Variants in DCLRE1C observed in about 807,000 individuals in gnomAD.
The protein encoded by DCLRE1C is DNA cross-link repair 1C.
A neutral mutation model predicts 61.4 loss-of-function variants in DCLRE1C; 47 were observed. The ratio of observed to expected loss-of-function variants is 0.77; its 90% CI spans 0.61 to 0.98. The LOEUF (loss-of-function observed/expected upper bound fraction) is 0.98, where lower values mean the gene tolerates loss of function less well. Among genes scored for constraint, DCLRE1C ranks in the 50% least tolerant of loss-of-function variants. The pLI, the probability that DCLRE1C is intolerant of heterozygous loss-of-function variation, is 0.00. For synonymous variants in DCLRE1C, 337 were observed against 287.6 expected (o/e 1.17, Z -1.74); for missense variants, 858 against 816.0 (o/e 1.05, Z -0.63).
At chr10:14,952,986 G>C (rs1842672573) in intron 1 of DCLRE1C, among the ~76,000 whole-genome samples, 1 of 152,188 alleles carries the variant, frequency 6.6e-6, no homozygotes, top group African/African-American at 2.4e-5. Flanking sequence ...CTTTCCTACT[G>C]CGCAGGTACA....
At position 14,919,174 on chromosome 10, in the gene DCLRE1C, TG is replaced by T. The variant is rs1836689686; in HGVS notation, c.1156+563del. ...AATCCTAACCACGAAATAGGGCTGC[TG>T]GAAAGCCCCAGAGCTTTGCTCAGAA... On this transcript the variant is annotated intron_variant, in intron 13 of 13. Coordinates refer to ENST00000378278, the MANE Select transcript of DCLRE1C (RefSeq NM_001033855.3). Among the ~76,000 whole-genome samples, 3 of 152,214 alleles carry T rather than the reference TG, an allele frequency of 2.0e-5. No homozygotes were observed. The South Asian group carries it at 6.2e-4, about 32-fold the overall frequency.
At chr10:14,912,335 C>G (rs1370955071) in intron 13 of DCLRE1C, among the ~76,000 whole-genome samples, 1 of 152,076 alleles carries the variant, frequency 6.6e-6, no homozygotes, top group Non-Finnish European at 1.5e-5. Flanking sequence ...GGATTATAGG[C>G]GTGAGCCACT....
intron 1 of DCLRE1C, among the ~76,000 whole-genome samples, chr10:14,952,038 G>A (rs1842532785): frequency 6.6e-6 from 1 of 152,196 alleles, no homozygotes; most frequent in African/African-American, 2.4e-5. Flanking sequence ...TCAGAGAACA[G>A]AAAAAGTTGT....
At chr10:14,946,039 G>C (rs1357632945) in intron 2 of DCLRE1C, among the ~76,000 whole-genome samples, 1 of 141,162 alleles carries the variant, frequency 7.1e-6, no homozygotes, top group Admixed American at 7.4e-5. Context: ...ATGGAGTCTT[G>C]ATCTGTCACT....
chr10:14,935,730 C>T (rs1482565715), intron 5 of DCLRE1C, among the ~76,000 whole-genome samples, 166 bp from the exon 6 acceptor site: 1 of 152,176 alleles, frequency 6.6e-6, no homozygotes, highest in Non-Finnish European at 1.5e-5. Context: ...TCAGCTGTCA[C>T]CTCTTCCCTC....
rs1250826419 is a variant in DCLRE1C at position 14,908,710 on chromosome 10, G to A, written c.1777C>T (p.Gln593Ter). The A allele has an allele frequency of 3.1e-6, 5 of 1,614,032 alleles. No individual in the cohort carries two copies. Among genetic ancestry groups the A allele is most frequent in the Non-Finnish European group, 4.2e-6 (5 of 1,180,036 alleles). Reference protein sequence around the residue: ...KENIPASLMEQNVICPKDTYS... With the variant: ...KENIPASLME Reference sequence around the variant, plus strand: ...GTATCCTTTGGGCAAATTACATTTTGTTCCATGAGAGAGGCAGGAATATTC... The same window carrying A: ...GTATCCTTTGGGCAAATTACATTTTATTCCATGAGAGAGGCAGGAATATTC... Residue 593 changes from glutamine (Q) to a stop codon, truncating the protein, a stop_gained, in exon 14 of 14, where the codon CAA becomes TAA. Transcript: ENST00000378278. LOFTEE classifies it low-confidence loss of function (END_TRUNC).
chr10:14,930,912 C>G (rs1235184707), intron 9 of DCLRE1C, among the ~76,000 whole-genome samples: 2 of 152,188 alleles, frequency 1.3e-5, no homozygotes, highest in African/African-American at 4.8e-5. Flanking sequence ...CACTGCAGCT[C>G]TCACCGTGGC....
intron 9 of DCLRE1C, among the ~76,000 whole-genome samples, chr10:14,931,788 C>T (rs1428304445): frequency 6.6e-6 from 1 of 152,146 alleles, no homozygotes; most frequent in East Asian, 1.9e-4. Flanking sequence ...CCTGTAATCC[C>T]AACACTTTGG....
In DCLRE1C at chr10:14,904,735, T is replaced by G. The variant is rs1834251588; in HGVS notation, c.*3673A>C. Among the ~76,000 whole-genome samples, 1 of 152,202 alleles carries G rather than the reference T, an allele frequency of 6.6e-6. No homozygotes were observed. Among genetic ancestry groups the G allele is most frequent in the Non-Finnish European group, 1.5e-5 (1 of 68,026 alleles). On this transcript the variant is annotated 3_prime_UTR_variant, in exon 14 of 14. Coordinates refer to ENST00000378278, the MANE Select transcript of DCLRE1C (RefSeq NM_001033855.3). ...GTGAAATAATAGAAACTAAAGGATG[T>G]TATTAAGGGGTTTAACTATTTTAAG...
In DCLRE1C at chr10:14,934,119, G is replaced by A. The variant is rs561602377; in HGVS notation, c.678+261C>T. ...GAGGCAGGCAGATAGCTTGAGGTCA[G>A]GAGTTCAAGACCAGCCTGGCCAACA... On this transcript the variant is annotated intron_variant, in intron 8 of 13. Transcript: ENST00000378278. Among the ~76,000 whole-genome samples, 36 of 152,196 alleles carry A rather than the reference G, an allele frequency of 2.4e-4. No homozygotes were observed. The South Asian group carries it at 2.5e-3, about 11-fold the overall frequency.
rs151054522 is a variant in DCLRE1C, at chr10:14,912,800, G to A, written c.1157-3470C>T. 5.9e-5 allele frequency among the ~76,000 whole-genome samples: 9 copies of A among 152,332 alleles called. No individual in the cohort carries two copies. The East Asian group carries it at 1.2e-3, about 20-fold the overall frequency. On this transcript the variant is annotated intron_variant, in intron 13 of 13. Coordinates refer to ENST00000378278, the MANE Select transcript of DCLRE1C (RefSeq NM_001033855.3). Reference sequence around the variant, plus strand: ...CCTGGGTTCACGCCATTCTGCCTCCGCTGCCCTAATAGCTGGGACTACAGG... The same window carrying A: ...CCTGGGTTCACGCCATTCTGCCTCCACTGCCCTAATAGCTGGGACTACAGG...
At chr10:14,915,465 C>T (rs1473001502) in intron 13 of DCLRE1C, among the ~76,000 whole-genome samples, 2 of 151,786 alleles carry the variant, frequency 1.3e-5, no homozygotes, top group African/African-American at 4.8e-5. Flanking sequence ...GGATTAATAT[C>T]AGTAGATTCT....
At chr10:14,924,518 G>A (rs544366289) in intron 11 of DCLRE1C, among the ~76,000 whole-genome samples, 1 of 152,276 alleles carries the variant, frequency 6.6e-6, no homozygotes, top group Non-Finnish European at 1.5e-5. Context: ...GATTATGCAT[G>A]TGAAGTGCTT....
intron 12 of DCLRE1C, among the ~76,000 whole-genome samples, chr10:14,921,954 G>T (rs1215634241): frequency 1.3e-5 from 2 of 152,322 alleles, no homozygotes; most frequent in East Asian, 3.9e-4. Flanking sequence ...CTGCAAGCCT[G>T]GTCCTGTCTG....
downstream of DCLRE1C, chr10:14,902,364 C>T: frequency 7.3e-7 from 1 of 1,365,338 alleles, no homozygotes; most frequent in Admixed American, 2.1e-5. Flanking sequence ...TCTAAATTGT[C>T]TTAACTCTCT....
At chr10:14,925,881 A>G (rs936464432) in intron 11 of DCLRE1C, among the ~76,000 whole-genome samples, 1 of 152,216 alleles carries the variant, frequency 6.6e-6, no homozygotes. Context: ...TGTAGCTTCC[A>G]TCATCCCCAT....
intron 1 of DCLRE1C, among the ~76,000 whole-genome samples, chr10:14,951,645 G>T (rs561478667): frequency 2.0e-5 from 3 of 152,106 alleles, no homozygotes; most frequent in Non-Finnish European, 2.9e-5. Flanking sequence ...GGTTTCTGGA[G>T]AGGGCACTTT....
At chr10:14,910,455 C>T (rs1835067265) in intron 13 of DCLRE1C, among the ~76,000 whole-genome samples, 1 of 152,194 alleles carries the variant, frequency 6.6e-6, no homozygotes, top group Admixed American at 6.5e-5. Context: ...AGGAGATCCA[C>T]CCCCATGCCC....
In DCLRE1C at chr10:14,906,800, A is replaced by G. The variant is rs948153930; in HGVS notation, c.*1608T>C. The stretch of plus-strand genomic sequence containing the variant: ...GTTAAAACTTGTTAAAAATCCTCAT[A>G]CATAACACAAAAGCCTAACACATTG... On this transcript the variant is annotated 3_prime_UTR_variant, in exon 14 of 14. Coordinates refer to ENST00000378278, the MANE Select transcript of DCLRE1C (RefSeq NM_001033855.3). Among the ~76,000 whole-genome samples the G allele has an allele frequency of 6.6e-6, 1 of 152,248 alleles. No individual in the cohort carries two copies. Among genetic ancestry groups the G allele is most frequent in the African/African-American group, 2.4e-5 (1 of 41,454 alleles).
Sources: allele counts gnomAD v4.1 joint callset (sites outside exome capture counted in the v4.1 genomes callset), GRCh38; gene constraint gnomAD v4.1.1; transcripts MANE v1.5; gene names NCBI Gene and HGNC (gene_info 2026-07-23, HGNC 2026-07-21).